The following MACROD2 variants were observed in gnomAD, a reference collection of about 807,000 sequenced individuals.
MACROD2 encodes mono-ADP ribosylhydrolase 2.
In MACROD2, 36 loss-of-function variants were observed where a neutral mutation model predicts 70.4. The ratio of observed to expected loss-of-function variants is 0.51; its 90% CI spans 0.39 to 0.68. The LOEUF (loss-of-function observed/expected upper bound fraction) is 0.68, where lower values mean the gene tolerates loss of function less well. Ranked by LOEUF, MACROD2 falls within the 30% of genes least tolerant of loss-of-function variation. MACROD2 has a pLI of 0.00. For synonymous variants in MACROD2, 172 were observed against 178.8 expected (o/e 0.96, Z 0.30); for missense variants, 496 against 538.4 (o/e 0.92, Z 0.78).
At chr20:15,590,807 A>C (rs6043380) in intron 8 of MACROD2, among the ~76,000 whole-genome samples, 16,116 of 151,462 alleles carry the variant, frequency 0.11, 1,791 homozygotes, top group African/African-American at 0.28. Flanking sequence ...TGGGAGGCAG[A>C]GGTTGCAGTG....
intron 7 of MACROD2, among the ~76,000 whole-genome samples, chr20:15,458,383 C>T (rs2046759290): frequency 6.6e-6 from 1 of 151,972 alleles, no homozygotes; most frequent in African/African-American, 2.4e-5. Flanking sequence ...TTTGGATTCC[C>T]CAGGGAAGTT....
At chr20:14,234,210 C>G (rs2122215327) in intron 3 of MACROD2, among the ~76,000 whole-genome samples, 1 of 151,876 alleles carries the variant, frequency 6.6e-6, no homozygotes, top group Middle Eastern at 3.4e-3. Flanking sequence ...AACTGCACTA[C>G]TAAAAATAAA....
At chr20:15,221,981 G>A (rs187595725) in intron 5 of MACROD2, among the ~76,000 whole-genome samples, 15 of 152,218 alleles carry the variant, frequency 9.9e-5, no homozygotes, top group African/African-American at 3.4e-4. Context: ...ATCTTATTTA[G>A]AGAACCATAG....
At chr20:14,162,792 C>T (rs1202753839) in intron 3 of MACROD2, among the ~76,000 whole-genome samples, 1 of 151,874 alleles carries the variant, frequency 6.6e-6, no homozygotes, top group Admixed American at 6.6e-5. Flanking sequence ...ATAGTTGGGT[C>T]ATGTTTTATT....
chr20:15,179,092 T>C (rs191026541), intron 5 of MACROD2, among the ~76,000 whole-genome samples: 1 of 152,266 alleles, frequency 6.6e-6, no homozygotes, highest in African/African-American at 2.4e-5. Context: ...AATCAGAATT[T>C]CACACAAAAA....
intron 8 of MACROD2, among the ~76,000 whole-genome samples, chr20:15,823,009 A>C (rs1319156661): frequency 6.6e-6 from 1 of 152,228 alleles, no homozygotes; most frequent in Non-Finnish European, 1.5e-5. Flanking sequence ...TAAACTGCTG[A>C]GTTAAAATCT....
chr20:14,496,073 C>G (rs987928327), intron 4 of MACROD2, among the ~76,000 whole-genome samples: 7 of 152,072 alleles, frequency 4.6e-5, no homozygotes, highest in African/African-American at 1.7e-4. Context: ...TGATTTTTGA[C>G]CTTATGATTC....
intron 5 of MACROD2, among the ~76,000 whole-genome samples, chr20:14,744,786 A>G (rs1205132250): frequency 1.4e-5 from 2 of 146,712 alleles, no homozygotes; most frequent in Non-Finnish European, 3.0e-5. Context: ...AGGATGAGAT[A>G]CCTTGTAGAG....
intron 3 of MACROD2, among the ~76,000 whole-genome samples, chr20:14,299,941 GA>G (rs2092592683): frequency 6.6e-6 from 1 of 151,722 alleles, no homozygotes; most frequent in Non-Finnish European, 1.5e-5. Context: ...TTTATTCCAA[GA>G]AGCTCGATAG....
chr20:15,150,523 G>A (rs960599843), intron 5 of MACROD2, among the ~76,000 whole-genome samples: 4 of 152,152 alleles, frequency 2.6e-5, no homozygotes, highest in Middle Eastern at 3.4e-3. Context: ...TGTAGCAGGC[G>A]AGTGATAACA....
intron 10 of MACROD2, among the ~76,000 whole-genome samples, chr20:15,894,502 C>T (rs2064939571): frequency 6.6e-6 from 1 of 152,132 alleles, no homozygotes; most frequent in South Asian, 2.1e-4. Flanking sequence ...AGGAACACGC[C>T]TTCTCTGTAG....
At chr20:15,925,862 A>C (rs2065481331) in intron 10 of MACROD2, among the ~76,000 whole-genome samples, 1 of 152,224 alleles carries the variant, frequency 6.6e-6, no homozygotes, top group Non-Finnish European at 1.5e-5. Context: ...TAGGGCTGAC[A>C]CGATTGTCTT....
At chr20:14,765,303 G>C (rs1004432950) in intron 5 of MACROD2, among the ~76,000 whole-genome samples, 1 of 152,056 alleles carries the variant, frequency 6.6e-6, no homozygotes, top group African/African-American at 2.4e-5. Flanking sequence ...GCAGAAATGG[G>C]TCTGGTATGA....
At position 14,744,121 on chromosome 20, in the gene MACROD2, T is replaced by C. The variant is rs1395211736; in HGVS notation, c.418+59162T>C. The stretch of plus-strand genomic sequence containing the variant: ...CCAGAGCAATAAGATAATAAATTCG[T>C]GTTGTTTTAAGTGATTACACTTGTT... On this transcript the variant is annotated intron_variant, in intron 5 of 17. Coordinates refer to ENST00000684519, the MANE Select transcript of MACROD2 (RefSeq NM_001351661.2). Among the ~76,000 whole-genome samples the C allele has an allele frequency of 2.0e-5, 3 of 152,272 alleles. No homozygotes were observed. The East Asian group carries it at 5.8e-4, about 29-fold the overall frequency.
intron 8 of MACROD2, among the ~76,000 whole-genome samples, chr20:15,549,361 G>T (rs1301303254): frequency 6.6e-6 from 1 of 152,134 alleles, no homozygotes; most frequent in Non-Finnish European, 1.5e-5. Context: ...TTCCTCAAAG[G>T]ATCATATATT....
chr20:15,934,181 C>T (rs1228633701), intron 11 of MACROD2, among the ~76,000 whole-genome samples: 2 of 152,210 alleles, frequency 1.3e-5, no homozygotes, highest in Admixed American at 6.5e-5. Flanking sequence ...AGGGGCACTT[C>T]TGAAGTAGTG....
At chr20:14,639,951 TCTCC>T (rs1447869151) in intron 4 of MACROD2, among the ~76,000 whole-genome samples, 1 of 152,132 alleles carries the variant, frequency 6.6e-6, no homozygotes, top group African/African-American at 2.4e-5. Context: ...CGTTCTCAAC[TCTCC>T]CTCCCTTTCT....
chr20:15,155,055 A>G (rs1481790710), intron 5 of MACROD2, among the ~76,000 whole-genome samples: 1 of 152,162 alleles, frequency 6.6e-6, no homozygotes, highest in Non-Finnish European at 1.5e-5. Flanking sequence ...ATGAAATAAG[A>G]AAAATAATAG....
intron 5 of MACROD2, among the ~76,000 whole-genome samples, chr20:14,920,935 C>A (rs887166112): frequency 6.6e-6 from 1 of 152,136 alleles, no homozygotes; most frequent in Non-Finnish European, 1.5e-5. Flanking sequence ...TTCAAACAAT[C>A]CTTAACTCTT....
Sources: allele counts gnomAD v4.1 joint callset (sites outside exome capture counted in the v4.1 genomes callset), GRCh38; gene constraint gnomAD v4.1.1; transcripts MANE v1.5; gene names NCBI Gene and HGNC (gene_info 2026-07-23, HGNC 2026-07-21).